CRACDL: variants seen among roughly 807,000 people sequenced by gnomAD.
The protein encoded by CRACDL is CRACD-like protein.
Under a neutral mutation model 70.6 loss-of-function variants are expected in CRACDL, and 26 were observed. The observed-to-expected ratio is 0.37, with a 90% CI of 0.27 to 0.51. The LOEUF (loss-of-function observed/expected upper bound fraction) is 0.51, where lower values mean the gene tolerates loss of function less well. CRACDL is among the 20% of genes least tolerant of loss of function. The pLI is 0.94. For synonymous variants in CRACDL, 618 were observed against 615.2 expected, an observed-to-expected ratio of 1.00 and a Z score of -0.07; for missense variants, 1,283 against 1,376.9, an observed-to-expected ratio of 0.93 and a Z score of 1.08.
At chr2:98,892,850 G>A (rs1708014048) in intron 1 of CRACDL, among the ~76,000 whole-genome samples, 1 of 152,114 alleles carries the variant, frequency 6.6e-6, no homozygotes, top group Non-Finnish European at 1.5e-5. Context: ...ACTCCTTACG[G>A]TGAAAGCAGA....
chr2:98,927,521 G>A (rs1708963265), intron 1 of CRACDL, among the ~76,000 whole-genome samples: 1 of 151,374 alleles, frequency 6.6e-6, no homozygotes, highest in Non-Finnish European at 1.5e-5. Flanking sequence ...AAAAAAACTT[G>A]GTGTGAAAAA....
intron 3 of CRACDL, 114 bp from the exon 4 acceptor site, chr2:98,833,111 C>G: frequency 1.0e-6 from 1 of 955,034 alleles, no homozygotes; most frequent in Non-Finnish European, 1.6e-6. Flanking sequence ...AACACTCCCT[C>G]TGCTGCATTT....
intron 7 of CRACDL, among the ~76,000 whole-genome samples, chr2:98,807,681 G>A (rs1322385871): frequency 6.6e-6 from 1 of 152,200 alleles, no homozygotes; most frequent in Non-Finnish European, 1.5e-5. Context: ...TAGAATTGTT[G>A]TTGAAAATTA....
intron 1 of CRACDL, among the ~76,000 whole-genome samples, chr2:98,894,043 G>C (rs1708051548): frequency 6.6e-6 from 1 of 152,174 alleles, no homozygotes; most frequent in African/African-American, 2.4e-5. Flanking sequence ...CCTCTCAACA[G>C]GGCCCAGAGC....
chr2:98,904,555 C>G lies in CRACDL; in HGVS notation c.-11+31383G>C, dbSNP rs147512865. Among the ~76,000 whole-genome samples the G allele has an allele frequency of 3.3e-5, 5 of 152,336 alleles. No individual in the cohort carries two copies. In the East Asian group the frequency reaches 9.6e-4, roughly 29 times the overall value. ...TCCAGTTTGAGGATCCAATTAGATACTGCATATGAATGCCCAGCCTTCCAG... is the reference window on the plus strand; with the variant it reads ...TCCAGTTTGAGGATCCAATTAGATAGTGCATATGAATGCCCAGCCTTCCAG... On this transcript the variant is annotated intron_variant, in intron 1 of 9. Coordinates refer to ENST00000397899, the MANE Select transcript of CRACDL (RefSeq NM_207362.3).
At chr2:98,934,543 A>G (rs908536611) in intron 1 of CRACDL, among the ~76,000 whole-genome samples, 14 of 152,150 alleles carry the variant, frequency 9.2e-5, no homozygotes, top group Non-Finnish European at 2.1e-4. Flanking sequence ...CAGTGATCTC[A>G]GCAGGACAGC....
chr2:98,802,576 G>A (rs754022727), intron 7 of CRACDL, among the ~76,000 whole-genome samples: 2 of 152,112 alleles, frequency 1.3e-5, no homozygotes, highest in Non-Finnish European at 2.9e-5. Flanking sequence ...GGACAGATTC[G>A]TCTCATCACT....
At chr2:98,917,605 C>G (rs187430859) in intron 1 of CRACDL, among the ~76,000 whole-genome samples, 9 of 152,366 alleles carry the variant, frequency 5.9e-5, no homozygotes, top group Non-Finnish European at 1.2e-4. Flanking sequence ...GACTTTCTCA[C>G]ACTTACTGAC....
At chr2:98,865,047 G>C (rs1408313983) in intron 1 of CRACDL, among the ~76,000 whole-genome samples, 2 of 152,152 alleles carry the variant, frequency 1.3e-5, no homozygotes, top group African/African-American at 4.8e-5. Context: ...CAGGAATAGG[G>C]GAAAACACAA....
chr2:98,873,585 C>A (rs527398995), intron 1 of CRACDL, among the ~76,000 whole-genome samples: 1 of 152,208 alleles, frequency 6.6e-6, no homozygotes, highest in Non-Finnish European at 1.5e-5. Flanking sequence ...GCGAGAGGAT[C>A]CCCCACATGA....
chr2:98,881,182 T>C (rs975539137), intron 1 of CRACDL, among the ~76,000 whole-genome samples: 2 of 152,172 alleles, frequency 1.3e-5, no homozygotes, highest in Non-Finnish European at 2.9e-5. Context: ...ATGGTGAGCA[T>C]GGTCACAGGC....
intron 7 of CRACDL, among the ~76,000 whole-genome samples, chr2:98,808,015 G>A (rs543715982): frequency 6.6e-6 from 1 of 152,310 alleles, no homozygotes; most frequent in African/African-American, 2.4e-5. Context: ...CCAGTCATAC[G>A]TGGCTCCTGA....
intron 1 of CRACDL, among the ~76,000 whole-genome samples, chr2:98,865,196 C>CTT (rs1707087451): frequency 6.6e-6 from 1 of 152,096 alleles, no homozygotes; most frequent in Non-Finnish European, 1.5e-5. Context: ...AGCTTGGAGC[C>CTT]TTTGCAGATG....
chr2:98,918,444 C>T (rs914609505), intron 1 of CRACDL, among the ~76,000 whole-genome samples: 12 of 148,140 alleles, frequency 8.1e-5, no homozygotes, highest in African/African-American at 3.0e-4. Context: ...GAGGCCCAGG[C>T]TGAGAATTGT....
intron 1 of CRACDL, among the ~76,000 whole-genome samples, chr2:98,878,037 C>G (rs1216507347): frequency 6.6e-6 from 1 of 151,904 alleles, no homozygotes; most frequent in East Asian, 2.0e-4. Context: ...ACCTCTGCCC[C>G]CCAGGTTCAA....
chr2:98,902,021 C>G (rs1708295307), intron 1 of CRACDL, among the ~76,000 whole-genome samples: 2 of 152,012 alleles, frequency 1.3e-5, no homozygotes, highest in Admixed American at 6.6e-5. Context: ...AAGAGCCCCC[C>G]ATGCCAGGAC....
chr2:98,864,833 C>T (rs528926218), intron 1 of CRACDL, among the ~76,000 whole-genome samples: 4 of 152,210 alleles, frequency 2.6e-5, no homozygotes, highest in Non-Finnish European at 2.9e-5. Context: ...AGGCATGAAC[C>T]ACTGCGCCTG....
chr2:98,921,285 G>A (rs1158292682), intron 1 of CRACDL, among the ~76,000 whole-genome samples: 2 of 152,216 alleles, frequency 1.3e-5, no homozygotes, highest in African/African-American at 4.8e-5. Context: ...GTCTGGCAGG[G>A]CGCGGCAGGG....
Position 98,822,140 on chromosome 2 carries a change from G to A in CRACDL, c.2133C>T (p.Ala711=), listed in dbSNP as rs372457015. 1.9e-6 allele frequency: 3 copies of A among 1,600,934 alleles called. No homozygotes were observed. Among genetic ancestry groups the A allele is most frequent in the Non-Finnish European group, 2.6e-6 (3 of 1,174,074 alleles). The change falls in exon 7 of 10, where the codon GCC becomes GCT. Residue 711 remains alanine (A), a synonymous_variant. Transcript: ENST00000397899. The surrounding 1 kb of genome is among the most constrained non-coding windows in gnomAD (Gnocchi z 4.9). ...TCAGCGACCTTTCTAACCGGACCTCGGCACTGTACCTCTTCACACCCTTCA... is the reference window on the plus strand; with the variant it reads ...TCAGCGACCTTTCTAACCGGACCTCAGCACTGTACCTCTTCACACCCTTCA... ...QEVKGVKRYS[A]EVRLERSLTV... is the part of the protein sequence containing the mutation.
Sources: gnomAD v4.1 joint callset for allele counts (sites outside exome capture counted in the v4.1 genomes callset) on GRCh38, gnomAD v4.1.1 for gene constraint, Gnocchi (gnomAD v3.1) non-coding constraint, MANE v1.5 for transcripts, NCBI Gene and HGNC (gene_info 2026-07-23, HGNC 2026-07-21) for gene names.